Variants in HS6ST3 observed in about 807,000 individuals in gnomAD.
The protein encoded by HS6ST3 is heparan sulfate 6-O-sulfotransferase 3.
In HS6ST3, 12 loss-of-function variants were observed where a neutral mutation model predicts 36.7. The observed-to-expected ratio is 0.33, with a 90% confidence interval of 0.21 to 0.53. The LOEUF (loss-of-function observed/expected upper bound fraction) is 0.53. Among genes scored for constraint, HS6ST3 ranks in the 20% least tolerant of loss-of-function variants. The pLI is 0.95. For missense variants in HS6ST3, 584 were observed against 640.9 expected (o/e 0.91, Z 0.96); for synonymous variants, 240 against 257.5 (o/e 0.93, Z 0.65).
chr13:96,824,589 A>G (rs1878610914), intron 1 of HS6ST3, among the ~76,000 whole-genome samples: 1 of 152,210 alleles, frequency 6.6e-6, no homozygotes, highest in African/African-American at 2.4e-5. Flanking sequence ...GAGATAATGA[A>G]GAATGAGTAG....
rs566472745 is a variant in HS6ST3, at chr13:96,450,401, G to A, written c.707+358832G>A. 5.9e-5 allele frequency among the ~76,000 whole-genome samples: 9 copies of A among 152,184 alleles called. No individual in the cohort carries two copies. The South Asian group carries it at 8.3e-4, about 14-fold the overall frequency. Reference sequence around the variant, plus strand: ...GATGTTCGTGAAAAATCTCACTGTCGTTGACTTTTTATAGAATTATTGTGA... The same window carrying A: ...GATGTTCGTGAAAAATCTCACTGTCATTGACTTTTTATAGAATTATTGTGA... On this transcript the variant is annotated intron_variant, in intron 1 of 1. Coordinates refer to ENST00000376705, the MANE Select transcript of HS6ST3 (RefSeq NM_153456.4).
chr13:96,790,323 A>G (rs1877756257), intron 1 of HS6ST3, among the ~76,000 whole-genome samples: 1 of 150,202 alleles, frequency 6.7e-6, no homozygotes, highest in Non-Finnish European at 1.5e-5. Context: ...CTTATGTACT[A>G]TATACAGCAC....
At chr13:96,327,902 T>C (rs1306080809) in intron 1 of HS6ST3, among the ~76,000 whole-genome samples, 2 of 143,172 alleles carry the variant, frequency 1.4e-5, no homozygotes, top group African/African-American at 5.2e-5. Context: ...TCACATCCCT[T>C]GTAAGTTGGA....
Position 96,836,121 on chromosome 13 carries a change from C to G in HS6ST3, c.*2923C>G, listed in dbSNP as rs962893419. 6.6e-6 allele frequency: 1 copy of G among 152,170 alleles called. No homozygotes were observed. The highest frequency in any genetic ancestry group is 2.4e-5 in the African/African-American group (1 of 41,438). 9.4% of individuals were successfully genotyped at this position (152,170 alleles called of 1,614,324 possible). ...GCAGAAGGCGTCTGGGCCTAAGGAT[C>G]CATGGAAGTCAGGAGCATTAAATCC... On this transcript the variant is annotated 3_prime_UTR_variant, in exon 2 of 2. Transcript: ENST00000376705.
At chr13:96,418,111 C>T (rs2055543894) in intron 1 of HS6ST3, among the ~76,000 whole-genome samples, 1 of 152,156 alleles carries the variant, frequency 6.6e-6, no homozygotes, top group African/African-American at 2.4e-5. Flanking sequence ...ACCCTGTCAG[C>T]ATGGTGCTTG....
chr13:96,766,587 G>C (rs1296007793), intron 1 of HS6ST3, among the ~76,000 whole-genome samples: 1 of 152,016 alleles, frequency 6.6e-6, no homozygotes, highest in Non-Finnish European at 1.5e-5. Context: ...CATCTTTAAG[G>C]GGAATCCTTT....
At chr13:96,522,164 G>A (rs192194906) in intron 1 of HS6ST3, among the ~76,000 whole-genome samples, 5 of 152,206 alleles carry the variant, frequency 3.3e-5, no homozygotes, top group Non-Finnish European at 7.3e-5. Flanking sequence ...GCGGTTTTGA[G>A]TGAGTTTCTT....
chr13:96,222,128 A>T (rs1594721477), intron 1 of HS6ST3, among the ~76,000 whole-genome samples: 1 of 152,240 alleles, frequency 6.6e-6, no homozygotes. Flanking sequence ...TAAAACATCA[A>T]TCAAATTCTT....
At chr13:96,093,037 C>T (rs993662270) in intron 1 of HS6ST3, among the ~76,000 whole-genome samples, 1 of 152,184 alleles carries the variant, frequency 6.6e-6, no homozygotes, top group African/African-American at 2.4e-5. Flanking sequence ...CCTCCTAACA[C>T]ATAACACTAT....
At chr13:96,371,055 C>T (rs1251238777) in intron 1 of HS6ST3, among the ~76,000 whole-genome samples, 2 of 152,008 alleles carry the variant, frequency 1.3e-5, no homozygotes, top group Non-Finnish European at 2.9e-5. Flanking sequence ...GAAATTATTT[C>T]TAAGTCATTA....
chr13:96,794,262 C>T (rs1877858743), intron 1 of HS6ST3, among the ~76,000 whole-genome samples: 1 of 152,046 alleles, frequency 6.6e-6, no homozygotes, highest in Non-Finnish European at 1.5e-5. Flanking sequence ...AACTTTAAGA[C>T]ACTCACCTTC....
At chr13:96,292,607 A>C (rs2054835545) in intron 1 of HS6ST3, among the ~76,000 whole-genome samples, 1 of 101,198 alleles carries the variant, frequency 9.9e-6, no homozygotes, top group Non-Finnish European at 1.9e-5. Context: ...ACTTCAGCTA[A>C]ATAAACAGTA....
At chr13:96,813,583 G>A (rs906719724) in intron 1 of HS6ST3, among the ~76,000 whole-genome samples, 6 of 152,126 alleles carry the variant, frequency 3.9e-5, no homozygotes, top group East Asian at 1.9e-4. Flanking sequence ...AAATTCTTGC[G>A]TCTTTACTTC....
intron 1 of HS6ST3, among the ~76,000 whole-genome samples, chr13:96,746,862 G>A (rs1876574321): frequency 6.6e-6 from 1 of 152,046 alleles, no homozygotes; most frequent in Admixed American, 6.6e-5. Flanking sequence ...TTGATAAAAA[G>A]TAAATTGCTA....
chr13:96,583,745 C>T (rs979854906), intron 1 of HS6ST3, among the ~76,000 whole-genome samples: 10 of 152,244 alleles, frequency 6.6e-5, no homozygotes, highest in Non-Finnish European at 1.0e-4. Context: ...TTTGTTCATA[C>T]GGCTCTTTAT....
intron 1 of HS6ST3, among the ~76,000 whole-genome samples, chr13:96,739,878 T>G (rs1876391717): frequency 6.6e-6 from 1 of 152,150 alleles, no homozygotes; most frequent in Non-Finnish European, 1.5e-5. Flanking sequence ...CAGCCTGATG[T>G]GATCCACTGT....
chr13:96,187,618 G>C (rs765098418), intron 1 of HS6ST3, among the ~76,000 whole-genome samples: 7 of 152,124 alleles, frequency 4.6e-5, no homozygotes, highest in Non-Finnish European at 1.0e-4. Context: ...GCTGTAGACT[G>C]CTGGTAAAGT....
chr13:96,388,761 G>C (rs2055381202), intron 1 of HS6ST3, among the ~76,000 whole-genome samples: 3 of 152,098 alleles, frequency 2.0e-5, no homozygotes, highest in South Asian at 4.1e-4. Flanking sequence ...GTGATAATGA[G>C]TGAGTCTCAC....
At chr13:96,232,754 A>G (rs148688215) in intron 1 of HS6ST3, among the ~76,000 whole-genome samples, 40 of 152,316 alleles carry the variant, frequency 2.6e-4, no homozygotes, top group Non-Finnish European at 2.4e-4. Flanking sequence ...ATCGGTACCT[A>G]AAGATGATTT....
Sources: gnomAD v4.1 joint callset for allele counts (sites outside exome capture counted in the v4.1 genomes callset) on GRCh38, gnomAD v4.1.1 for gene constraint, MANE v1.5 for transcripts, NCBI Gene and HGNC (gene_info 2026-07-23, HGNC 2026-07-21) for gene names.